FLG: variants seen among roughly 807,000 people sequenced by gnomAD.
FLG encodes epidermal filaggrin.
A neutral mutation model predicts 3.8 loss-of-function variants in FLG; 6 were observed. The ratio of observed to expected loss-of-function variants is 1.60; its 90% confidence interval spans 0.87 to 3.15. FLG has a LOEUF of 3.15. FLG is among the 30% of genes most tolerant of loss of function. FLG has a pLI of 0.00. For missense variants in FLG, 7,595 were observed against 5,050.9 expected, an observed-to-expected ratio of 1.50 and a Z score of -15.27; for synonymous variants, 2,551 against 1,931.6, an observed-to-expected ratio of 1.32 and a Z score of -8.41.
Position 152,305,218 on chromosome 1 carries a change from C to T in FLG, c.9668G>A (p.Gly3223Glu), listed in dbSNP as rs1228150785. The change falls in exon 3 of 3, where the codon GGA becomes GAA. Residue 3223 changes from glycine (G) to glutamate (E), a missense_variant. Gly to Glu is a moderately conservative substitution (Grantham distance 98). Transcript: ENST00000368799. ...SSVSQDSDSE[G>E]HSEDSERWSG... ...CCACCTCTCAGAGTCTTCTGAATGT[C>T]CCTCACTGTCACTGTCCTGGCTCAC... 1.9e-6 allele frequency: 3 copies of T among 1,613,406 alleles called. No individual in the cohort carries two copies. In the South Asian group the frequency reaches 3.3e-5, roughly 18 times the overall value.
rs1297895177 is a variant in FLG, at chr1:152,304,439, T to C, written c.10447A>G (p.Arg3483Gly). ...TTACGAGTTTGTCTGCTGGCACTTC[T>C]GGATCCTGACTGCCCACGGGAGGCA... ...SDASRGQSGS[R>G]SASRQTRNDE... Residue 3483 changes from arginine to glycine, a missense_variant, in exon 3 of 3, where the codon AGA becomes GGA. Transcript: ENST00000368799. 2 of 1,612,124 alleles carry C rather than the reference T, an allele frequency of 1.2e-6. No homozygotes were observed. The highest frequency in any genetic ancestry group is 1.3e-5 in the African/African-American group (1 of 74,766).
Position 152,304,839 on chromosome 1 carries a change from C to G in FLG, c.10047G>C (p.Glu3349Asp), listed in dbSNP as rs760841920. ...GGCCTGACACTGACTGTGTGTCTGA[C>G]TCTTCTGAATGTCCCTCACTATCAC... The part of the protein sequence containing the change: ...QASDSEGHSE[E>D]SDTQSVSGHG... The change falls in exon 3 of 3, where the codon GAG (glutamate) becomes GAC (aspartate). Residue 3349 changes from glutamate (E) to aspartate (D), a missense_variant. Physicochemically the swap from Glu to Asp is conservative, Grantham distance 45. Coordinates refer to ENST00000368799, the MANE Select transcript of FLG (RefSeq NM_002016.2). 2.1e-4 allele frequency: 346 copies of G among 1,613,544 alleles called. 3 individuals are homozygous for G. Among genetic ancestry groups the G allele is most frequent in the Admixed American group, 6.2e-4 (37 of 59,948 alleles).
In FLG at chr1:152,310,348, C is replaced by T. The variant is rs1652315921; in HGVS notation, c.4538G>A (p.Gly1513Glu). ...SYHEQSVDRS[G>E]HSGYHHSHTT... Reference sequence around the variant, plus strand: ...GTGGCTGTGATGGTACCCTGAGTGTCCAGACCTATCTACTGATTGCTCGTG... The same window carrying T: ...GTGGCTGTGATGGTACCCTGAGTGTTCAGACCTATCTACTGATTGCTCGTG... The change falls in exon 3 of 3, where the codon GGA becomes GAA. Residue 1513 changes from glycine (G) to glutamate (E), a missense_variant. Transcript: ENST00000368799. 1 of 1,613,726 alleles carries T rather than the reference C, an allele frequency of 6.2e-7. No homozygotes were observed. Among genetic ancestry groups the T allele is most frequent in the Non-Finnish European group, 8.5e-7 (1 of 1,179,932 alleles).
rs775242576 is a variant in FLG at position 152,312,618 on chromosome 1, G to T, written c.2268C>A (p.Asp756Glu). Reference protein sequence around the residue: ...QATDSEGHSEDSDTQSVSGHG... With the variant: ...QATDSEGHSEESDTQSVSGHG... Reference sequence around the variant, plus strand: ...GGCCTGACACTGACTGTGTGTCTGAGTCTTCTGAATGTCCCTCACTGTCAG... The same window carrying T: ...GGCCTGACACTGACTGTGTGTCTGATTCTTCTGAATGTCCCTCACTGTCAG... Residue 756 changes from aspartate (D) to glutamate (E), a missense_variant, in exon 3 of 3, where the codon GAC becomes GAA. Asp to Glu is a conservative substitution (Grantham distance 45). Coordinates refer to ENST00000368799, the MANE Select transcript of FLG (RefSeq NM_002016.2). 1 of 1,613,676 alleles carries T rather than the reference G, an allele frequency of 6.2e-7. No individual in the cohort carries two copies. The highest frequency in any genetic ancestry group is 1.3e-5 in the African/African-American group (1 of 74,764).
chr1:152,319,100 A>G (rs879833207), intron 1 of FLG, among the ~76,000 whole-genome samples: 11 of 151,716 alleles, frequency 7.3e-5, no homozygotes, highest in Non-Finnish European at 1.0e-4. Context: ...TTGTGGACAA[A>G]GCAGGAGTAA....
In FLG at chr1:152,314,687, TG is replaced by T. The variant is rs774514736; in HGVS notation, c.198del (p.Asn66LysfsTer11). 1.2e-6 allele frequency: 2 copies of T among 1,613,988 alleles called. No homozygotes were observed. The highest frequency in any genetic ancestry group is 2.7e-5 in the African/African-American group (2 of 74,932). On this transcript the variant is annotated frameshift_variant, in exon 3 of 3. Transcript: ENST00000368799. LOFTEE classifies it low-confidence loss of function (END_TRUNC). ...AGAAACTCAGTGAAGTCAATTTTCT[TG>T]TTGTGGTCTATATCCAAGTGATCCA... is the stretch of plus-strand genomic sequence containing the variant. ...VFMDHLDIDH[N>X]KKIDFTEFLL... is the part of the protein sequence containing the mutation.
Position 152,305,236 on chromosome 1 carries a change from T to C in FLG, c.9650A>G (p.Gln3217Arg). 1 of 1,613,202 alleles carries C rather than the reference T, an allele frequency of 6.2e-7. No homozygotes were observed. Residue 3217 changes from glutamine to arginine, a missense_variant, in exon 3 of 3, where the codon CAG becomes CGG. Coordinates refer to ENST00000368799, the MANE Select transcript of FLG (RefSeq NM_002016.2). ...RSRRQGSSVS[Q>R]DSDSEGHSED... ...TGAATGTCCCTCACTGTCACTGTCC[T>C]GGCTCACACTGGATCCCTGGCGCCT... is the stretch of plus-strand genomic sequence containing the variant.
At position 152,312,378 on chromosome 1, in the gene FLG, A is replaced by C. The variant is rs3120653; in HGVS notation, c.2508T>G (p.Asp836Glu). ...RDNSRHSASQ[D>E]GQDTIRGHPG... is the part of the protein sequence containing the mutation. ...GGTGTCCACGAATGGTGTCCTGACC[A>C]TCTTGGGATGCTGAGTGCCTGGAGT... The change falls in exon 3 of 3, where the codon GAT (aspartate) becomes GAG (glutamate). Residue 836 changes from aspartate (D) to glutamate (E), a missense_variant. Coordinates refer to ENST00000368799, the MANE Select transcript of FLG (RefSeq NM_002016.2). 157 of 1,610,928 alleles carry C rather than the reference A, an allele frequency of 9.7e-5. No homozygotes were observed. The South Asian group carries it at 1.4e-3, about 14-fold the overall frequency.
intron 1 of FLG, among the ~76,000 whole-genome samples, chr1:152,322,949 G>A (rs1486728781): frequency 6.6e-6 from 1 of 151,332 alleles, no homozygotes; most frequent in Non-Finnish European, 1.5e-5. Flanking sequence ...AGACTAAGTT[G>A]GAAGACATAC....
In FLG at chr1:152,313,070, C is replaced by T. The variant is rs749271421; in HGVS notation, c.1816G>A (p.Gly606Arg). The change falls in exon 3 of 3, where the codon GGA becomes AGA. Residue 606 changes from glycine to arginine, a missense_variant. Physicochemically the swap from Gly to Arg is moderately radical, Grantham distance 125 (BLOSUM62 -2). Transcript: ENST00000368799. ...DSSRHSQVGQ[G>R]QSSGPRTSRN... ...CTTGTCCTGGGCCCCGATGATTGTC[C>T]CTGGCCCACCTGTGAGTGTCTAGAG... 5.0e-6 allele frequency: 8 copies of T among 1,613,794 alleles called. No homozygotes were observed. The East Asian group carries it at 1.1e-4, about 22-fold the overall frequency.
chr1:152,307,227 T>G lies in FLG; in HGVS notation c.7659A>C (p.Gln2553His). 1 of 1,612,806 alleles carries G rather than the reference T, an allele frequency of 6.2e-7. No individual in the cohort carries two copies. The highest frequency in any genetic ancestry group is 1.4e-5 in the African/African-American group (1 of 73,940). The change falls in exon 3 of 3, where the codon CAA becomes CAC. Residue 2553 changes from glutamine to histidine, a missense_variant. Transcript: ENST00000368799. ...TCCTGCTTGTCCTGGGCCCCTCTGA[T>G]TGTCCCTGGCCCACCTGCGAGTGTC... ...SSGHSQVGQG[Q>H]SEGPRTSRNW... is the part of the protein sequence containing the mutation.
chr1:152,313,679 C>G lies in FLG; in HGVS notation c.1207G>C (p.Gly403Arg). The G allele has an allele frequency of 2.5e-6, 4 of 1,614,046 alleles. No homozygotes were observed. Among genetic ancestry groups the G allele is most frequent in the Non-Finnish European group, 3.4e-6 (4 of 1,180,016 alleles). The part of the protein sequence containing the change: ...DSSRHSATGR[G>R]QASSAVSDRG... Reference sequence around the variant, plus strand: ...TCGCTGACTGCAGATGAAGCTTGCCCGCGCCCAGTGGCTGAGTGTCTGGAG... The same window carrying G: ...TCGCTGACTGCAGATGAAGCTTGCCGGCGCCCAGTGGCTGAGTGTCTGGAG... The change falls in exon 3 of 3, where the codon GGG becomes CGG. Residue 403 changes from glycine (G) to arginine (R), a missense_variant. Coordinates refer to ENST00000368799, the MANE Select transcript of FLG (RefSeq NM_002016.2).
rs375062780 is a variant in FLG, at chr1:152,304,634, C to T, written c.10252G>A (p.Ala3418Thr). The change falls in exon 3 of 3, where the codon GCA becomes ACA. Residue 3418 changes from alanine (A) to threonine (T), a missense_variant. Transcript: ENST00000368799. ...GRRQGSHHEQ[A>T]RDSSRHSASQ... ...GCTGAGTGCCTGGAGCTGTCTCGTG[C>T]CTGCTCGTGGTGGGATCCTTGTCTT... is the stretch of plus-strand genomic sequence containing the variant. 41 of 1,612,394 alleles carry T rather than the reference C, an allele frequency of 2.5e-5. No individual in the cohort carries two copies. The South Asian group carries it at 3.7e-4, about 15-fold the overall frequency.
chr1:152,316,493 A>G (rs1652793603), intron 1 of FLG, among the ~76,000 whole-genome samples: 1 of 152,194 alleles, frequency 6.6e-6, no homozygotes, highest in East Asian at 1.9e-4. Context: ...AATTAATAGA[A>G]TTACAAATAA....
chr1:152,311,213 G>C lies in FLG; in HGVS notation c.3673C>G (p.Gln1225Glu). 1 of 1,613,750 alleles carries C rather than the reference G, an allele frequency of 6.2e-7. No individual in the cohort carries two copies. Among genetic ancestry groups the C allele is most frequent in the Middle Eastern group, 1.7e-4 (1 of 6,058 alleles). ...SASRQTRKDKQSGDGSRHSGS... is the reference protein window; with the variant it reads ...SASRQTRKDKESGDGSRHSGS... ...GAGTGCCTGGAGCCGTCTCCTGATT[G>C]TTTGTCCTTACGAGTTTGTCTGCTT... is the stretch of plus-strand genomic sequence containing the variant. Residue 1225 changes from glutamine (Q) to glutamate (E), a missense_variant, in exon 3 of 3, where the codon CAA becomes GAA. Coordinates refer to ENST00000368799, the MANE Select transcript of FLG (RefSeq NM_002016.2).
In FLG at chr1:152,313,822, T is replaced by G; in HGVS notation, c.1064A>C (p.Gln355Pro). 1 of 1,614,180 alleles carries G rather than the reference T, an allele frequency of 6.2e-7. No homozygotes were observed. Among genetic ancestry groups the G allele is most frequent in the Non-Finnish European group, 8.5e-7 (1 of 1,180,014 alleles). Residue 355 changes from glutamine (Q) to proline (P), a missense_variant, in exon 3 of 3, where the codon CAA becomes CCA. Gln to Pro is a moderately conservative substitution (Grantham distance 76, BLOSUM62 -1). Transcript: ENST00000368799. Reference protein sequence around the residue: ...SHGHSADSSRQSGTRHAETSS... With the variant: ...SHGHSADSSRPSGTRHAETSS... ...AGTCTCTGCGTGACGAGTGCCTGAT[T>G]GTCTGGAGCTGTCTGCAGAGTGCCC...
rs762925999 is a variant in FLG, at chr1:152,303,825, G to A, written c.11061C>T (p.Pro3687=). 9.9e-6 allele frequency: 16 copies of A among 1,613,398 alleles called. No homozygotes were observed. In the East Asian group the frequency reaches 3.6e-4, roughly 36 times the overall value. Residue 3687 remains proline (P), a synonymous_variant, in exon 3 of 3, where the codon CCC becomes CCT. Transcript: ENST00000368799. The part of the protein sequence containing the change: ...QSVSAHGQAG[P]HQQSHQESTR... ...TGGACTCTTGGTGGCTCTGCTGATG[G>A]GGCCCAGCCTGTCCGTGGGCTGACA...
chr1:152,310,215 T>A lies in FLG; in HGVS notation c.4671A>T (p.Ser1557=), dbSNP rs767694254. ...EEQSGDGSRH[S]GSRHHEPSTR... ...TGGAAGGTTCATGGTGACGTGACCC[T>A]GAGTGCCTGGAGCCGTCTCCTGATT... The change falls in exon 3 of 3, where the codon TCA becomes TCT. Residue 1557 remains serine (S), a synonymous_variant. Coordinates refer to ENST00000368799, the MANE Select transcript of FLG (RefSeq NM_002016.2). The A allele has an allele frequency of 6.2e-7, 1 of 1,613,768 alleles. No individual in the cohort carries two copies. Among genetic ancestry groups the A allele is most frequent in the African/African-American group, 1.3e-5 (1 of 74,830 alleles).
Position 152,308,869 on chromosome 1 carries a change from C to T in FLG, c.6017G>A (p.Gly2006Glu), listed in dbSNP as rs1285798224. 5.0e-6 allele frequency: 8 copies of T among 1,613,988 alleles called. No individual in the cohort carries two copies. The Admixed American group carries it at 1.2e-4, about 24-fold the overall frequency. The change falls in exon 3 of 3, where the codon GGA becomes GAA. Residue 2006 changes from glycine (G) to glutamate (E), a missense_variant. Coordinates refer to ENST00000368799, the MANE Select transcript of FLG (RefSeq NM_002016.2). ...QARSSAGERHGSHHQLQSADS... is the reference protein window; with the variant it reads ...QARSSAGERHESHHQLQSADS... Reference sequence around the variant, plus strand: ...TGCTGACTGGAGCTGGTGGTGGGATCCATGTCTTTCTCCTGCACTTGATCT... The same window carrying T: ...TGCTGACTGGAGCTGGTGGTGGGATTCATGTCTTTCTCCTGCACTTGATCT...
Sources: gnomAD v4.1 joint callset for allele counts (sites outside exome capture counted in the v4.1 genomes callset) on GRCh38, gnomAD v4.1.1 for gene constraint, MANE v1.5 for transcripts, NCBI Gene and HGNC (gene_info 2026-07-23, HGNC 2026-07-21) for gene names.